The following PTPRT variants were observed in gnomAD, a reference collection of about 807,000 sequenced individuals.
PTPRT encodes protein tyrosine phosphatase receptor type T, also known as receptor-type tyrosine-protein phosphatase T.
In PTPRT, 56 loss-of-function variants were observed where a neutral mutation model predicts 176.8. That is an observed-to-expected ratio of 0.32 (90% CI 0.26 to 0.40). The LOEUF is 0.40. Among genes scored for constraint, PTPRT ranks in the 10% least tolerant of loss-of-function variants. The probability of loss-of-function intolerance (pLI) is 1.00; values close to 1 mark genes in which losing one functional copy is unlikely to be tolerated. For synonymous variants in PTPRT, 783 were observed against 739.0 expected (o/e 1.06, Z -0.96); for missense variants, 1,540 against 1,908.2 (o/e 0.81, Z 3.60).
chr20:42,999,521 C>T (rs1984412894), intron 1 of PTPRT, among the ~76,000 whole-genome samples: 1 of 151,722 alleles, frequency 6.6e-6, no homozygotes, highest in South Asian at 2.1e-4. Context: ...ATTGGGAGGC[C>T]AAGGCACGTG....
At chr20:42,498,520 C>T (rs1375153672) in intron 7 of PTPRT, among the ~76,000 whole-genome samples, 5 of 152,064 alleles carry the variant, frequency 3.3e-5, no homozygotes, top group Non-Finnish European at 7.4e-5. Flanking sequence ...AATATACTTC[C>T]CTGACATATT....
rs2057037852 is a variant in PTPRT at position 42,276,534 on chromosome 20, TATATATATATA to T, written c.2176+5944_2176+5954del. ...ATATATATATATATATATATATATA[TATATATATATA>T]TATATATATATATAATGTTCTTGAA... On this transcript the variant is annotated intron_variant, in intron 13 of 30. Coordinates refer to ENST00000373187, the MANE Select transcript of PTPRT (RefSeq NM_007050.6). 4.0e-5 allele frequency among the ~76,000 whole-genome samples: 2 copies of T among 50,252 alleles called. 1 individual carries two copies. The highest frequency in any genetic ancestry group is 1.4e-4 in the African/African-American group (2 of 14,022). 33.0% of individuals were successfully genotyped at this position (50,252 alleles called of 152,430 possible).
intron 9 of PTPRT, among the ~76,000 whole-genome samples, chr20:42,417,483 T>A (rs2059076963): frequency 1.3e-5 from 2 of 151,934 alleles, no homozygotes; most frequent in African/African-American, 4.8e-5. Context: ...CTCTTTTAAG[T>A]TAGAACTTAA....
intron 1 of PTPRT, among the ~76,000 whole-genome samples, chr20:43,099,025 A>G (rs2012283105): frequency 6.6e-6 from 1 of 152,008 alleles, no homozygotes; most frequent in South Asian, 2.1e-4. Flanking sequence ...AAGATCCCTG[A>G]ATCAGCCAGT....
At chr20:42,849,636 C>T (rs1243530120) in intron 2 of PTPRT, among the ~76,000 whole-genome samples, 1 of 152,182 alleles carries the variant, frequency 6.6e-6, no homozygotes, top group Non-Finnish European at 1.5e-5. Flanking sequence ...AACCCAGCTC[C>T]ATTATTATTA....
At chr20:43,008,338 C>T (rs1984958135) in intron 1 of PTPRT, among the ~76,000 whole-genome samples, 1 of 152,290 alleles carries the variant, frequency 6.6e-6, no homozygotes, top group East Asian at 1.9e-4. Flanking sequence ...TAAGCAGACA[C>T]TCTCCAAACA....
chr20:42,993,431 AGTATGTGTGTATATATATATAT>A (rs1984034907), intron 1 of PTPRT, among the ~76,000 whole-genome samples: 1 of 115,622 alleles, frequency 8.6e-6, no homozygotes. Flanking sequence ...AAAAAAAAAA[AGTATGTGTGTATATATATATAT>A]GTATGTGTGT....
At chr20:42,490,288 T>C (rs1004403598) in intron 7 of PTPRT, among the ~76,000 whole-genome samples, 16 of 152,208 alleles carry the variant, frequency 1.1e-4, no homozygotes, top group Admixed American at 9.8e-4. Flanking sequence ...GAAATTTTTA[T>C]TGACACTGAA....
the PTPRT span, among the ~76,000 whole-genome samples, chr20:42,061,159 T>C: frequency 1.3e-5 from 2 of 152,218 alleles, no homozygotes; most frequent in Non-Finnish European, 2.9e-5. Flanking sequence ...GGTTTATTCG[T>C]CATCTGGGCT....
intron 6 of PTPRT, among the ~76,000 whole-genome samples, chr20:42,724,617 A>G (rs968685695): frequency 2.6e-5 from 4 of 152,058 alleles, no homozygotes; most frequent in African/African-American, 9.7e-5. Flanking sequence ...TGTTTCCTCA[A>G]TTCTGCTCAT....
chr20:43,037,804 C>G (rs1986444211), intron 1 of PTPRT, among the ~76,000 whole-genome samples: 1 of 152,130 alleles, frequency 6.6e-6, no homozygotes, highest in Non-Finnish European at 1.5e-5. Context: ...AGAGACAGCC[C>G]TAAAGAGTCA....
intron 1 of PTPRT, among the ~76,000 whole-genome samples, chr20:42,937,533 C>G (rs1212165907): frequency 6.6e-6 from 1 of 152,218 alleles, no homozygotes; most frequent in South Asian, 2.1e-4. Flanking sequence ...AAGTCTTTCC[C>G]TTTTATTATC....
intron 1 of PTPRT, among the ~76,000 whole-genome samples, chr20:43,179,102 C>T (rs1402296241): frequency 6.6e-6 from 1 of 152,230 alleles, no homozygotes; most frequent in Non-Finnish European, 1.5e-5. Context: ...AGTCCAATGT[C>T]TGGTCAGCCC....
At chr20:42,537,699 A>G (rs2145566836) in intron 7 of PTPRT, among the ~76,000 whole-genome samples, 1 of 152,274 alleles carries the variant, frequency 6.6e-6, no homozygotes, top group East Asian at 1.9e-4. Flanking sequence ...GGTATTGGGG[A>G]TGCAACAGGA....
intron 1 of PTPRT, among the ~76,000 whole-genome samples, chr20:42,968,518 G>C (rs1982432734): frequency 6.6e-6 from 1 of 152,158 alleles, no homozygotes; most frequent in Non-Finnish European, 1.5e-5. Context: ...AATGCAGAAG[G>C]GTGCCAGGAC....
At chr20:42,199,739 C>A (rs546779708) in intron 15 of PTPRT, among the ~76,000 whole-genome samples, 75 of 152,082 alleles carry the variant, frequency 4.9e-4, no homozygotes, top group Admixed American at 2.0e-3. Flanking sequence ...GCTAGACTGG[C>A]CTTTCTGTTT....
At position 42,696,404 on chromosome 20, in the gene PTPRT, T is replaced by C. The variant is rs58332258; in HGVS notation, c.860-18245A>G. Among the ~76,000 whole-genome samples, 713 of 148,826 alleles carry C rather than the reference T, an allele frequency of 4.8e-3. 9 individuals are homozygous for C. Among genetic ancestry groups the C allele is most frequent in the African/African-American group, 0.016 (669 of 40,836 alleles). ...ATGAGTGGTTTCATAAAGAAACACA[T>C]ATTTAAGCCAACAACTAACAAGGTT... On this transcript the variant is annotated intron_variant, in intron 6 of 30. Transcript: ENST00000373187.
intron 1 of PTPRT, among the ~76,000 whole-genome samples, chr20:42,985,470 G>C (rs2146094999): frequency 6.6e-6 from 1 of 152,040 alleles, no homozygotes; most frequent in South Asian, 2.1e-4. Flanking sequence ...CTCCAGCCTG[G>C]GCAACAGAGT....
At chr20:42,844,367 A>G (rs768178801) in intron 2 of PTPRT, among the ~76,000 whole-genome samples, 1 of 152,206 alleles carries the variant, frequency 6.6e-6, no homozygotes, top group Non-Finnish European at 1.5e-5. Flanking sequence ...TCATCTTTAG[A>G]TATGAGCCTG....
Sources: gnomAD v4.1 joint callset for allele counts (sites outside exome capture counted in the v4.1 genomes callset) on GRCh38, gnomAD v4.1.1 for gene constraint, MANE v1.5 for transcripts, NCBI Gene and HGNC (gene_info 2026-07-23, HGNC 2026-07-21) for gene names.